The following RNF38 variants were observed in gnomAD, a reference collection of about 807,000 sequenced individuals.
RNF38 encodes ring finger protein 38.
RNF38 carries 15 observed loss-of-function variants against 67.2 expected under a neutral mutation model. That is an observed-to-expected ratio of 0.22 (90% CI 0.15 to 0.34). The LOEUF is 0.34. Ranked by LOEUF, RNF38 falls within the 10% of genes least tolerant of loss-of-function variation. The pLI is 1.00. For synonymous variants in RNF38, 220 were observed against 218.8 expected (o/e 1.01, Z -0.05); for missense variants, 524 against 639.9 (o/e 0.82, Z 1.95).
intron 1 of RNF38, among the ~76,000 whole-genome samples, chr9:36,474,101 CAGG>C (rs1840067432): frequency 6.6e-6 from 1 of 151,564 alleles, no homozygotes; most frequent in African/African-American, 2.4e-5. Context: ...ATCACGAGGT[CAGG>C]AGATTGAGAC....
At chr9:36,362,095 G>A (rs150616863) in intron 4 of RNF38, among the ~76,000 whole-genome samples, 2,190 of 152,222 alleles carry the variant, frequency 0.014, 27 homozygotes, top group East Asian at 0.057. Context: ...AGTGGCTCAC[G>A]CTTGTAATCC....
chr9:36,411,975 GA>G (rs1478879692), intron 2 of RNF38, among the ~76,000 whole-genome samples: 1 of 152,140 alleles, frequency 6.6e-6, no homozygotes. Flanking sequence ...GTTACAAAAA[GA>G]AAAACAGTGT....
chr9:36,465,085 A>C (rs1391600130), intron 1 of RNF38, among the ~76,000 whole-genome samples: 1 of 152,216 alleles, frequency 6.6e-6, no homozygotes, highest in East Asian at 1.9e-4. Flanking sequence ...GGAGGGCTAT[A>C]ATCAAAAAGA....
chr9:36,466,254 G>A (rs1839860231), intron 1 of RNF38, among the ~76,000 whole-genome samples: 1 of 152,148 alleles, frequency 6.6e-6, no homozygotes, highest in African/African-American at 2.4e-5. Flanking sequence ...TGAGATGGGA[G>A]GAAATGGAGA....
chr9:36,351,130 T>C lies in RNF38; in HGVS notation c.1248A>G (p.Glu416=), dbSNP rs779736167. 6.2e-6 allele frequency: 10 copies of C among 1,611,062 alleles called. No homozygotes were observed. Among genetic ancestry groups the C allele is most frequent in the Non-Finnish European group, 8.5e-6 (10 of 1,177,794 alleles). Residue 416 remains glutamate, a synonymous_variant, in exon 9 of 12, where the codon GAA becomes GAG. Transcript: ENST00000259605. ...ATCTACTAACCTCGTAATTTTCTAC[T>C]TCTCCATCTTCTACATCTAATTCAA... ...FSFELDVEDG[E]VENYEALLNL...
At chr9:36,444,171 AT>A (rs942630921) in intron 1 of RNF38, among the ~76,000 whole-genome samples, 4 of 152,208 alleles carry the variant, frequency 2.6e-5, no homozygotes, top group Non-Finnish European at 4.4e-5. Context: ...GCCATTCTTG[AT>A]TTAGGACATG....
chr9:36,465,030 G>A (rs1042611926), intron 1 of RNF38, among the ~76,000 whole-genome samples: 1 of 152,170 alleles, frequency 6.6e-6, no homozygotes, highest in Admixed American at 6.5e-5. Flanking sequence ...GCCATGGGGG[G>A]AATGCAAATC....
chr9:36,470,450 A>C (rs921014923), intron 1 of RNF38, among the ~76,000 whole-genome samples: 1 of 152,110 alleles, frequency 6.6e-6, no homozygotes, highest in African/African-American at 2.4e-5. Flanking sequence ...TCACTTACCA[A>C]TCCTGTGGGA....
intron 1 of RNF38, among the ~76,000 whole-genome samples, chr9:36,394,927 G>A (rs1165213381): frequency 1.3e-5 from 2 of 152,042 alleles, no homozygotes; most frequent in East Asian, 1.9e-4. Flanking sequence ...TGCTAACTCT[G>A]GCTTTCTCCC....
chr9:36,398,035 T>C (rs1181094170), intron 1 of RNF38, among the ~76,000 whole-genome samples: 1 of 151,992 alleles, frequency 6.6e-6, no homozygotes, highest in Non-Finnish European at 1.5e-5. Flanking sequence ...TTTACAATAG[T>C]TGGAAAAAAG....
intron 6 of RNF38, among the ~76,000 whole-genome samples, 175 bp from the exon 7 acceptor site, chr9:36,353,506 G>A (rs1156826493): frequency 6.6e-6 from 1 of 152,082 alleles, no homozygotes; most frequent in African/African-American, 2.4e-5. Flanking sequence ...ATAGGCTACA[G>A]TAAAATCTTC....
At chr9:36,435,386 T>C (rs1839039934) in intron 1 of RNF38, among the ~76,000 whole-genome samples, 2 of 152,200 alleles carry the variant, frequency 1.3e-5, no homozygotes, top group African/African-American at 4.8e-5. Context: ...AGAGTAGTAA[T>C]TTTTAAATGA....
intron 1 of RNF38, among the ~76,000 whole-genome samples, chr9:36,454,547 GCCTAATAA>G (rs1440544870): frequency 6.8e-6 from 1 of 147,964 alleles, no homozygotes; most frequent in African/African-American, 2.5e-5. Flanking sequence ...AAAAAATTAT[GCCTAATAA>G]AAATATCAAT....
At chr9:36,366,205 A>G (rs1352887042) in intron 4 of RNF38, among the ~76,000 whole-genome samples, 2 of 152,198 alleles carry the variant, frequency 1.3e-5, no homozygotes, top group African/African-American at 4.8e-5. Flanking sequence ...TTTAGTATGC[A>G]TTTCTAAAAA....
In RNF38 at chr9:36,344,931, C is replaced by T; in HGVS notation, c.1286G>A (p.Arg429Gln). 1.2e-6 allele frequency: 2 copies of T among 1,613,530 alleles called. No individual in the cohort carries two copies. Among genetic ancestry groups the T allele is most frequent in the East Asian group, 2.2e-5 (1 of 44,880 alleles). The change falls in exon 10 of 12, where the codon CGA becomes CAA. Residue 429 changes from arginine to glutamine, a missense_variant. Physicochemically the swap from Arg to Gln is conservative, Grantham distance 43 (BLOSUM62 1). Coordinates refer to ENST00000259605, the MANE Select transcript of RNF38 (RefSeq NM_022781.5). Reference sequence around the variant, plus strand: ...TCCACGAGGCTTTGCCTCTCCCAGTCGCTCTGCCAGGTTTAACAGGGCCTG... The same window carrying T: ...TCCACGAGGCTTTGCCTCTCCCAGTTGCTCTGCCAGGTTTAACAGGGCCTG... ...NYEALLNLAE[R>Q]LGEAKPRGLT...
chr9:36,380,586 G>T (rs1343239555), intron 2 of RNF38, among the ~76,000 whole-genome samples: 1 of 151,936 alleles, frequency 6.6e-6, no homozygotes, highest in African/African-American at 2.4e-5. Flanking sequence ...TCCACATCCC[G>T]GGCTAAAGAG....
chr9:36,388,961 T>C (rs1414158468), intron 2 of RNF38, among the ~76,000 whole-genome samples: 2 of 152,124 alleles, frequency 1.3e-5, no homozygotes, highest in Non-Finnish European at 2.9e-5. Flanking sequence ...TACACCCTTT[T>C]TTAAAAGATA....
intron 2 of RNF38, among the ~76,000 whole-genome samples, chr9:36,386,565 G>C (rs1315864198): frequency 6.6e-6 from 1 of 152,190 alleles, no homozygotes; most frequent in Non-Finnish European, 1.5e-5. Context: ...ATAAGACTGA[G>C]ACCTGCTGGG....
At chr9:36,401,185 C>A (rs970354919), upstream of RNF38, 5 of 979,424 alleles carry the variant, frequency 5.1e-6, no homozygotes, top group African/African-American at 8.9e-5. Flanking sequence ...TTTGTTTCCA[C>A]CCCGAGGGGG....
Sources: allele counts gnomAD v4.1 joint callset (sites outside exome capture counted in the v4.1 genomes callset), GRCh38; gene constraint gnomAD v4.1.1; transcripts MANE v1.5; gene names NCBI Gene and HGNC (gene_info 2026-07-23, HGNC 2026-07-21).